Variants in AGBL5 observed in about 807,000 individuals in gnomAD.
The protein encoded by AGBL5 is cytosolic carboxypeptidase-like protein 5.
Under a neutral mutation model 88.0 loss-of-function variants are expected in AGBL5, and 51 were observed. The observed-to-expected ratio is 0.58, with a 90% CI of 0.46 to 0.73. The LOEUF (loss-of-function observed/expected upper bound fraction) is 0.73, where lower values mean the gene tolerates loss of function less well. Ranked by LOEUF, AGBL5 falls within the 30% of genes least tolerant of loss-of-function variation. The pLI is 0.00. For missense variants in AGBL5, 1,031 were observed against 1,162.2 expected (o/e 0.89, Z 1.64); for synonymous variants, 446 against 438.8 (o/e 1.02, Z -0.21).
Position 27,058,620 on chromosome 2 carries a change from G to C in AGBL5, c.1874+18G>C. 2 of 1,612,930 alleles carry C rather than the reference G, an allele frequency of 1.2e-6. No homozygotes were observed. The highest frequency in any genetic ancestry group is 1.7e-6 in the Non-Finnish European group (2 of 1,179,578). On this transcript the variant is annotated intron_variant, in intron 10 of 14. Coordinates refer to ENST00000360131, the MANE Select transcript of AGBL5 (RefSeq NM_021831.6). The stretch of plus-strand genomic sequence containing the variant: ...AGTCACAAGTAAGGCCAGCAAAATA[G>C]GAGGGAGAAAGGGTAGGACAGTGGG...
chr2:27,058,391 A>T lies in AGBL5; in HGVS notation c.1672-9A>T. On this transcript the variant is annotated splice_polypyrimidine_tract_variant and intron_variant, in intron 9 of 14. Transcript: ENST00000360131. ...CCAGCATGCTGAGCCAAACTGGACTACCCCACAGGTGGGACGAGCTATGGC... is the reference window on the plus strand; with the variant it reads ...CCAGCATGCTGAGCCAAACTGGACTTCCCCACAGGTGGGACGAGCTATGGC... 1 of 1,612,576 alleles carries T rather than the reference A, an allele frequency of 6.2e-7. No individual in the cohort carries two copies. The highest frequency in any genetic ancestry group is 1.3e-5 in the African/African-American group (1 of 74,990).
rs1053609 is a variant in AGBL5, at chr2:27,070,282, G to T, written c.*19G>T. The stretch of plus-strand genomic sequence containing the variant: ...GGTCTGATAATGCCTTTATGTTCAA[G>T]CCCAGGATATAGCCCCAAGATGGGG... On this transcript the variant is annotated 3_prime_UTR_variant, in exon 15 of 15. Transcript: ENST00000360131. 0.61 allele frequency: 976,571 copies of T among 1,610,448 alleles called. 303,225 individuals are homozygous for T. The highest frequency in any genetic ancestry group is 0.78 in the East Asian group (34,787 of 44,856).
Position 27,055,181 on chromosome 2 carries a change from C to T in AGBL5, c.836C>T (p.Thr279Ile). ...CGACCTGATGATCCCCGGGCCCAAA[C>T]CCTCCGTCGCCTCTTCGTCTTTAAG... ...ILRPDDPRAQ[T>I]LRRLFVFKLI... The change falls in exon 6 of 15, where the codon ACC becomes ATC. Residue 279 changes from threonine (T) to isoleucine (I), a missense_variant. Coordinates refer to ENST00000360131, the MANE Select transcript of AGBL5 (RefSeq NM_021831.6). The T allele has an allele frequency of 1.2e-6, 2 of 1,614,222 alleles. No homozygotes were observed. The highest frequency in any genetic ancestry group is 1.7e-6 in the Non-Finnish European group (2 of 1,180,038).
At chr2:27,052,601 C>T (rs1010324555) in intron 1 of AGBL5, 1 of 168,738 alleles carries the variant, frequency 5.9e-6, no homozygotes, top group South Asian at 1.8e-4. Context: ...ATTCTCTAAT[C>T]TTTGGGCTGC....
chr2:27,056,130 A>G lies in AGBL5; in HGVS notation c.1357A>G (p.Ser453Gly). The G allele has an allele frequency of 6.2e-7, 1 of 1,610,118 alleles. No homozygotes were observed. Among genetic ancestry groups the G allele is most frequent in the Non-Finnish European group, 8.5e-7 (1 of 1,176,898 alleles). Residue 453 changes from serine (S) to glycine (G), a missense_variant, in exon 7 of 15, where the codon AGC (serine) becomes GGC (glycine). By Grantham distance (56) the Ser-to-Gly change is moderately conservative. Around this residue, in one of 2 missense-constraint regions of AGBL5, gnomAD observed 540 missense variants for 678.2 expected, o/e 0.80. Coordinates refer to ENST00000360131, the MANE Select transcript of AGBL5 (RefSeq NM_021831.6). ...FMYGNSFSDE[S>G]TQVENMLYPK... ...GTACGGAAACAGCTTTAGTGATGAG[A>G]GCACCCAGGTGGGAATCCTAAGAAT...
chr2:27,059,075 G>C (rs1440278600), intron 10 of AGBL5, 115 bp from the exon 11 acceptor site: 2 of 954,122 alleles, frequency 2.1e-6, no homozygotes, highest in Non-Finnish European at 3.2e-6. Context: ...TCCTTGGGAT[G>C]GGTCCCTGTG....
Position 27,053,121 on chromosome 2 carries a change from A to G in AGBL5, c.163A>G (p.Asn55Asp), listed in dbSNP as rs1337804475. 1.4e-5 allele frequency: 23 copies of G among 1,612,558 alleles called. No individual in the cohort carries two copies. The highest frequency in any genetic ancestry group is 1.8e-5 in the Non-Finnish European group (21 of 1,179,124). The change falls in exon 2 of 15, where the codon AAC becomes GAC. Residue 55 changes from asparagine to aspartate, a missense_variant. By Grantham distance (23) the Asn-to-Asp change is conservative. This residue lies in a region of AGBL5 where 540 missense variants were observed against 678.2 expected (regional missense o/e 0.80). Coordinates refer to ENST00000360131, the MANE Select transcript of AGBL5 (RefSeq NM_021831.6). The surrounding 1 kb of genome is among the most constrained non-coding windows in gnomAD (Gnocchi z 4.9). ...GIASSPDYEFNVWTRPDCAET... is the reference protein window; with the variant it reads ...GIASSPDYEFDVWTRPDCAET... ...TGCCTCTTCCCCTGACTATGAATTC[A>G]ACGTGTGGACCCGACCAGACTGTGC...
At chr2:27,057,920 A>G (rs985777542) in intron 9 of AGBL5, among the ~76,000 whole-genome samples, 1 of 152,206 alleles carries the variant, frequency 6.6e-6, no homozygotes, top group Non-Finnish European at 1.5e-5. Context: ...TACTAAAAAT[A>G]CAAAAATTAA....
At chr2:27,050,561 C>A (rs1668028375), upstream of AGBL5, among the ~76,000 whole-genome samples, 1 of 152,230 alleles carries the variant, frequency 6.6e-6, no homozygotes, top group African/African-American at 2.4e-5. Flanking sequence ...GTTAAAAAGC[C>A]GGGAAGCTCA....
intron 9 of AGBL5, 90 bp from the exon 10 acceptor site, chr2:27,058,310 C>A (rs1572821202): frequency 6.9e-7 from 1 of 1,458,682 alleles, no homozygotes; most frequent in Non-Finnish European, 9.6e-7. Flanking sequence ...TCTGGCCCCT[C>A]CTTCCCTTCC....
At chr2:27,067,398 G>A in intron 11 of AGBL5, 96 bp from the exon 12 acceptor site, 2 of 1,258,156 alleles carry the variant, frequency 1.6e-6, no homozygotes, top group East Asian at 2.3e-5. Context: ...TTGAAAACTG[G>A]CATCTTTTGA....
chr2:27,054,920 G>C, intron 5 of AGBL5, 113 bp downstream of exon 5: 1 of 1,501,264 alleles, frequency 6.7e-7, no homozygotes, highest in Non-Finnish European at 9.0e-7. Flanking sequence ...TCCGCCCGCA[G>C]CGTGCGGCAA....
rs202027391 is a variant in AGBL5 at position 27,055,269 on chromosome 2, A to G, written c.908+16A>G. ...GACACTACCGGTAAGTGGCTTCCCC[A>G]GCCTGTCTGGACTGTTCCCATTTCC... On this transcript the variant is annotated intron_variant, in intron 6 of 14. Coordinates refer to ENST00000360131, the MANE Select transcript of AGBL5 (RefSeq NM_021831.6). 70 of 1,613,238 alleles carry G rather than the reference A, an allele frequency of 4.3e-5. No individual in the cohort carries two copies. In the East Asian group the frequency reaches 1.4e-3, roughly 33 times the overall value.
chr2:27,050,837 C>G (rs1350469137), upstream of AGBL5, among the ~76,000 whole-genome samples: 1 of 152,172 alleles, frequency 6.6e-6, no homozygotes, highest in Non-Finnish European at 1.5e-5. Flanking sequence ...GCGTGGCAAT[C>G]CTTAGGTCGC....
At position 27,051,678 on chromosome 2, in the gene AGBL5, C is replaced by G. The variant is rs889160537; in HGVS notation, c.-162C>G. 6.6e-6 allele frequency: 1 copy of G among 152,272 alleles called. No individual in the cohort carries two copies. The highest frequency in any genetic ancestry group is 1.5e-5 in the Non-Finnish European group (1 of 68,064). 9.4% of individuals were successfully genotyped at this position (152,272 alleles called of 1,614,324 possible). A position where few individuals can be genotyped will look rare whatever the true frequency, so the allele number is the denominator to read the frequency against. ...TTCTTGTTTCCTGGCAGAGCGGGGT[C>G]CCGGCACCGCGGCGCTCGGGTGTTT... On this transcript the variant is annotated 5_prime_UTR_variant, in exon 1 of 15. Transcript: ENST00000360131.
rs533283908 is a variant in AGBL5, at chr2:27,053,907, G to A, written c.399G>A (p.Thr133=). Reference sequence around the variant, plus strand: ...CCTCTGCTCTTCAGATGACAGAGACGCAGTTTGTGTTATCCTTTGTTCATC... The same window carrying A: ...CCTCTGCTCTTCAGATGACAGAGACACAGTTTGTGTTATCCTTTGTTCATC... ...RDRPTFEMTE[T]QFVLSFVHRF... The change falls in exon 4 of 15, where the codon ACG becomes ACA. Residue 133 remains threonine (T), a synonymous_variant. Transcript: ENST00000360131. The surrounding 1 kb of genome is among the most constrained non-coding windows in gnomAD (Gnocchi z 4.9). 5.6e-6 allele frequency: 9 copies of A among 1,613,140 alleles called. No individual in the cohort carries two copies. The highest frequency in any genetic ancestry group is 5.3e-5 in the African/African-American group (4 of 74,912).
At chr2:27,069,929 G>A (rs1215970242) in intron 14 of AGBL5, 163 bp from the exon 15 acceptor site, 15 of 985,390 alleles carry the variant, frequency 1.5e-5, no homozygotes, top group Non-Finnish European at 1.8e-5. Flanking sequence ...TAAGGTCTAG[G>A]AGCTGGCTGG....
chr2:27,060,698 T>C lies in AGBL5; in HGVS notation c.2089+1294T>C, dbSNP rs1000154584. 5.9e-5 allele frequency among the ~76,000 whole-genome samples: 9 copies of C among 152,228 alleles called. 1 individual carries two copies. Among genetic ancestry groups the C allele is most frequent in the African/African-American group, 1.7e-4 (7 of 41,454 alleles). On this transcript the variant is annotated intron_variant, in intron 11 of 14. Coordinates refer to ENST00000360131, the MANE Select transcript of AGBL5 (RefSeq NM_021831.6). ...GGAGAGGGCAATGGTCCTTACCAGC[T>C]GTGACCATTGAGATATTCTATCCCT... is the stretch of plus-strand genomic sequence containing the variant.
rs1017922436 is a variant in AGBL5, at chr2:27,053,248, A to G, written c.215+75A>G. 28 of 1,518,490 alleles carry G rather than the reference A, an allele frequency of 1.8e-5. No individual in the cohort carries two copies. Among genetic ancestry groups the G allele is most frequent in the Non-Finnish European group, 2.1e-5 (24 of 1,120,982 alleles). The allele number at this position is 1,518,490 out of a possible 1,614,324, so 94.1% of individuals were successfully genotyped here. A position where few individuals can be genotyped will look rare whatever the true frequency, so the allele number is the denominator to read the frequency against. On this transcript the variant is annotated intron_variant, in intron 2 of 14. Coordinates refer to ENST00000360131, the MANE Select transcript of AGBL5 (RefSeq NM_021831.6). The surrounding 1 kb of genome is among the most constrained non-coding windows in gnomAD (Gnocchi z 4.9). ...AGTTAGCCCTCTGACTTATCTGTTC[A>G]TACCCAGCATACTCCCTGTCCATTT...
Sources: allele counts gnomAD v4.1 joint callset (sites outside exome capture counted in the v4.1 genomes callset), GRCh38; gene constraint gnomAD v4.1.1; regional missense constraint gnomAD v4.1.1; non-coding constraint Gnocchi (gnomAD v3.1); transcripts MANE v1.5; gene names NCBI Gene and HGNC (gene_info 2026-07-23, HGNC 2026-07-21).